Variants in TNC observed in about 807,000 individuals in gnomAD.
The protein encoded by TNC is tenascin C.
A neutral mutation model predicts 202.4 loss-of-function variants in TNC; 109 were observed. The ratio of observed to expected loss-of-function variants is 0.54; its 90% CI spans 0.46 to 0.63. The LOEUF is 0.63. TNC is among the 30% of genes least tolerant of loss of function. TNC has a pLI of 0.00. For synonymous variants in TNC, 1,007 were observed against 1,089.7 expected, an observed-to-expected ratio of 0.92 and a Z score of 1.50; for missense variants, 2,756 against 2,833.3, an observed-to-expected ratio of 0.97 and a Z score of 0.62.
chr9:115,035,084 T>TG (rs1830216552), intron 22 of TNC, 120 bp downstream of exon 22: 1 of 1,202,960 alleles, frequency 8.3e-7, no homozygotes, highest in African/African-American at 1.6e-5. Flanking sequence ...CTACTAATTT[T>TG]TTTTTTCAGC....
intron 14 of TNC, among the ~76,000 whole-genome samples, chr9:115,058,545 C>A (rs1832303363): frequency 6.6e-6 from 1 of 152,170 alleles, no homozygotes; most frequent in Non-Finnish European, 1.5e-5. Context: ...GTCCGGGTGC[C>A]TTCAGAGTAG....
chr9:115,085,618 G>A (rs1231926414), intron 3 of TNC, among the ~76,000 whole-genome samples: 1 of 152,344 alleles, frequency 6.6e-6, no homozygotes, highest in South Asian at 2.1e-4. Context: ...TGTGTCAGCT[G>A]TGTGTCCCTG....
intron 15 of TNC, chr9:115,055,384 A>C (rs1463247423): frequency 6.6e-6 from 1 of 152,644 alleles, no homozygotes; most frequent in African/African-American, 2.4e-5. Context: ...ATTGGGAGCA[A>C]CTAGGAGGGT....
At chr9:115,026,511 T>G (rs950713802) in intron 26 of TNC, 23 bp downstream of exon 26, 1 of 1,611,804 alleles carries the variant, frequency 6.2e-7, no homozygotes, top group African/African-American at 1.3e-5. Flanking sequence ...CTTTGTAGGC[T>G]CTACGTGCAG....
At chr9:115,063,648 T>A in intron 12 of TNC, 148 bp downstream of exon 12, 1 of 885,340 alleles carries the variant, frequency 1.1e-6, no homozygotes, top group Non-Finnish European at 1.7e-6. Context: ...AAATAAGGGA[T>A]GTGACATTTA....
Position 115,046,653 on chromosome 9 carries a change from C to A in TNC, c.4882G>T (p.Val1628Phe). 6.2e-7 allele frequency: 1 copy of A among 1,613,426 alleles called. No homozygotes were observed. Among genetic ancestry groups the A allele is most frequent in the Non-Finnish European group, 8.5e-7 (1 of 1,179,902 alleles). ...EAEPEVDNLL[V>F]SDATPDGFRL... ...AAACCGTCTGGGGTGGCATCTGAAA[C>A]CAGAAGGTTGTCAACTTCCGGTTCG... Residue 1628 changes from valine (V) to phenylalanine (F), a missense_variant, in exon 17 of 28, where the codon GTT becomes TTT. Coordinates refer to ENST00000350763, the MANE Select transcript of TNC (RefSeq NM_002160.4).
At chr9:115,117,960 G>C (rs1432845630) in intron 1 of TNC, 22 bp downstream of exon 1, 3 of 152,210 alleles carry the variant, frequency 2.0e-5, no homozygotes, top group Non-Finnish European at 4.4e-5. Flanking sequence ...GATCTCTAGT[G>C]ATGAGGGCAA....
chr9:115,085,591 G>A (rs912943185), intron 3 of TNC, among the ~76,000 whole-genome samples: 8 of 152,134 alleles, frequency 5.3e-5, no homozygotes, highest in African/African-American at 1.7e-4. Flanking sequence ...AGGCAGACTT[G>A]AATACCAGCT....
At position 115,026,629 on chromosome 9, in the gene TNC, T is replaced by C. The variant is rs569763988; in HGVS notation, c.6236A>G (p.His2079Arg). The change falls in exon 26 of 28, where the codon CAT becomes CGT. Residue 2079 changes from histidine to arginine, a missense_variant. His to Arg is a conservative substitution (Grantham distance 29). Coordinates refer to ENST00000350763, the MANE Select transcript of TNC (RefSeq NM_002160.4). ...QYELRVDLRD[H>R]GETAFAVYDK... is the part of the protein sequence containing the mutation. ...ATAGACAGCAAAGGCTGTCTCCCCA[T>C]GGTCCCGCAGGTCCACCCGGAGCTC... The C allele has an allele frequency of 6.2e-7, 1 of 1,614,022 alleles. No individual in the cohort carries two copies. The highest frequency in any genetic ancestry group is 2.2e-5 in the East Asian group (1 of 44,850).
At chr9:115,073,570 C>T in intron 10 of TNC, 33 bp downstream of exon 10, 13 of 1,597,980 alleles carry the variant, frequency 8.1e-6, no homozygotes, top group Non-Finnish European at 1.1e-5. Context: ...CAGAATCAAC[C>T]TAGAGTTTGG....
intron 7 of TNC, among the ~76,000 whole-genome samples, chr9:115,077,292 G>A (rs961683153): frequency 1.3e-5 from 2 of 150,624 alleles, no homozygotes; most frequent in Non-Finnish European, 3.0e-5. Flanking sequence ...TCCTGACCTC[G>A]TGATTCGCCC....
At chr9:115,081,475 G>A (rs1449789132) in intron 6 of TNC, among the ~76,000 whole-genome samples, 1 of 152,104 alleles carries the variant, frequency 6.6e-6, no homozygotes, top group African/African-American at 2.4e-5. Context: ...GAGAATGAGA[G>A]GCTCTGCGAA....
intron 1 of TNC, among the ~76,000 whole-genome samples, chr9:115,097,613 TG>T (rs1482406412): frequency 6.6e-6 from 1 of 152,118 alleles, no homozygotes; most frequent in Non-Finnish European, 1.5e-5. Context: ...CTCCAGTAGG[TG>T]GGTTCAAATT....
intron 2 of TNC, among the ~76,000 whole-genome samples, chr9:115,089,930 G>A (rs1308639093): frequency 6.6e-6 from 1 of 152,208 alleles, no homozygotes; most frequent in African/African-American, 2.4e-5. Flanking sequence ...AAGGGCTGTT[G>A]GGAGGATTAA....
At position 115,026,550 on chromosome 9, in the gene TNC, C is replaced by A. The variant is rs756535825; in HGVS notation, c.6315G>T (p.Gly2105=). Residue 2105 remains glycine (G), a synonymous_variant, in exon 26 of 28, where the codon GGG becomes GGT. Transcript: ENST00000350763. Reference sequence around the variant, plus strand: ...CTACTGTACCTGCTGTCCCACTGTACCCCTCCACCTTCAGCTTGTAGCGAG... The same window carrying A: ...CTACTGTACCTGCTGTCCCACTGTAACCCTCCACCTTCAGCTTGTAGCGAG... ...AKTRYKLKVE[G]YSGTAGDSMA... The A allele has an allele frequency of 6.2e-7, 1 of 1,614,040 alleles. No individual in the cohort carries two copies. Among genetic ancestry groups the A allele is most frequent in the Admixed American group, 1.7e-5 (1 of 60,024 alleles).
intron 1 of TNC, among the ~76,000 whole-genome samples, chr9:115,099,676 A>C (rs1187204991): frequency 6.6e-6 from 1 of 152,214 alleles, no homozygotes; most frequent in Non-Finnish European, 1.5e-5. Flanking sequence ...GAGATAATAC[A>C]GGCAAAACAC....
At chr9:115,114,578 G>A (rs1219128588) in intron 1 of TNC, among the ~76,000 whole-genome samples, 2 of 152,172 alleles carry the variant, frequency 1.3e-5, no homozygotes, top group African/African-American at 2.4e-5. Flanking sequence ...CATGAAAAAT[G>A]ATACATGCAG....
In TNC at chr9:115,076,653, T is replaced by A. The variant is rs1159554186; in HGVS notation, c.2675-78A>T. The A allele has an allele frequency of 5.4e-6, 8 of 1,488,912 alleles. 1 individual carries two copies. Among genetic ancestry groups the A allele is most frequent in the South Asian group, 5.0e-5 (4 of 79,482 alleles). The allele number at this position is 1,488,912 out of a possible 1,614,324, so 92.2% of individuals were successfully genotyped here. ...GAGTCTTTGACAGCTCAAGCTGACA[T>A]ATGAAACGTGCCTGGAACTGGAGAG... On this transcript the variant is annotated intron_variant, in intron 7 of 27. Coordinates refer to ENST00000350763, the MANE Select transcript of TNC (RefSeq NM_002160.4).
intron 21 of TNC, 145 bp downstream of exon 21, chr9:115,035,953 C>G: frequency 4.3e-6 from 4 of 938,510 alleles, no homozygotes; most frequent in Non-Finnish European, 6.5e-6. Context: ...TGAGTGGGCA[C>G]TGGTGAATTT....
Sources: allele counts gnomAD v4.1 joint callset (sites outside exome capture counted in the v4.1 genomes callset), GRCh38; gene constraint gnomAD v4.1.1; transcripts MANE v1.5; gene names NCBI Gene and HGNC (gene_info 2026-07-23, HGNC 2026-07-21).